The following TRAPPC8 variants were observed in gnomAD, a reference collection of about 807,000 sequenced individuals.
TRAPPC8 encodes the protein general sporulation gene 1 homolog.
Under a neutral mutation model 174.3 loss-of-function variants are expected in TRAPPC8, and 54 were observed. The ratio of observed to expected loss-of-function variants is 0.31; its 90% CI spans 0.25 to 0.39. The LOEUF (loss-of-function observed/expected upper bound fraction) is 0.39. TRAPPC8 is among the 10% of genes least tolerant of loss of function. The probability of loss-of-function intolerance (pLI) is 1.00; values close to 1 mark genes in which losing one functional copy is unlikely to be tolerated. For synonymous variants in TRAPPC8, 630 were observed against 579.9 expected (o/e 1.09, Z -1.24); for missense variants, 1,531 against 1,699.1 (o/e 0.90, Z 1.74).
chr18:31,886,042 G>C (rs1264793372), intron 12 of TRAPPC8, among the ~76,000 whole-genome samples: 1 of 150,496 alleles, frequency 6.6e-6, no homozygotes, highest in Non-Finnish European at 1.5e-5. Context: ...TTTTGCTCTT[G>C]TTGCCCAGGC....
intron 21 of TRAPPC8, among the ~76,000 whole-genome samples, chr18:31,854,928 T>C (rs575771158): frequency 1.7e-5 from 2 of 120,562 alleles, no homozygotes; most frequent in East Asian, 2.3e-4. Flanking sequence ...ATCGCGCCAC[T>C]GCACTCCAGT....
At chr18:31,852,273 C>T (rs1325794294) in intron 24 of TRAPPC8, among the ~76,000 whole-genome samples, 173 bp downstream of exon 24, 2 of 152,016 alleles carry the variant, frequency 1.3e-5, no homozygotes, top group African/African-American at 2.4e-5. Flanking sequence ...CCTGGGAAGT[C>T]GAGGCTGCAG....
At chr18:31,887,596 A>AG in intron 12 of TRAPPC8, among the ~76,000 whole-genome samples, 1 of 151,270 alleles carries the variant, frequency 6.6e-6, no homozygotes, top group African/African-American at 2.4e-5. Flanking sequence ...CAGTGAGCCG[A>AG]GATCACGCCA....
intron 27 of TRAPPC8, 51 bp downstream of exon 27, chr18:31,839,259 TAC>T: frequency 6.5e-7 from 1 of 1,533,234 alleles, no homozygotes; most frequent in South Asian, 1.3e-5. Flanking sequence ...AAGAAACAAA[TAC>T]ACGTGCCAGT....
At chr18:31,871,275 C>A (rs1053732929) in intron 14 of TRAPPC8, among the ~76,000 whole-genome samples, 155 bp from the exon 15 acceptor site, 2 of 151,954 alleles carry the variant, frequency 1.3e-5, no homozygotes, top group African/African-American at 2.4e-5. Flanking sequence ...TCTCATTAAT[C>A]CTAGCTTATC....
chr18:31,918,182 T>C (rs912387138), intron 2 of TRAPPC8, among the ~76,000 whole-genome samples: 4 of 152,060 alleles, frequency 2.6e-5, no homozygotes, highest in Non-Finnish European at 4.4e-5. Flanking sequence ...TTTTAAGCCA[T>C]TCACAAGAAT....
chr18:31,873,007 C>CTTTTTTTTTTTTT (rs59209328), intron 14 of TRAPPC8, among the ~76,000 whole-genome samples: 1 of 74,600 alleles, frequency 1.3e-5, no homozygotes, highest in Non-Finnish European at 2.5e-5. Context: ...ATTCATTTTC[C>CTTTTTTTTTTTTT]TTTTTTTTTT....
intron 9 of TRAPPC8, among the ~76,000 whole-genome samples, chr18:31,902,693 G>A (rs1598708581): frequency 6.6e-6 from 1 of 152,182 alleles, no homozygotes; most frequent in Non-Finnish European, 1.5e-5. Flanking sequence ...GGGGGAGTCA[G>A]TCTCCACTTT....
At chr18:31,899,727 A>G (rs943191266) in intron 10 of TRAPPC8, among the ~76,000 whole-genome samples, 2 of 152,002 alleles carry the variant, frequency 1.3e-5, no homozygotes, top group African/African-American at 4.8e-5. Flanking sequence ...TGGGCGGATC[A>G]TGAGGTCAAA....
intron 27 of TRAPPC8, among the ~76,000 whole-genome samples, chr18:31,834,011 A>AC (rs1555652294): frequency 6.6e-6 from 1 of 151,022 alleles, no homozygotes; most frequent in African/African-American, 2.4e-5. Flanking sequence ...CAAAAAAAAA[A>AC]AACAAAAAAC....
At chr18:31,853,732 C>A (rs2033840388) in intron 22 of TRAPPC8, 117 bp downstream of exon 22, 1 of 699,280 alleles carries the variant, frequency 1.4e-6, no homozygotes. Flanking sequence ...CTAATGAAAT[C>A]ACAATTTAAT....
In TRAPPC8 at chr18:31,903,106, G is replaced by A. The variant is rs945429997; in HGVS notation, c.1390-2081C>T. 2.1e-4 allele frequency among the ~76,000 whole-genome samples: 9 copies of A among 43,430 alleles called. No individual in the cohort carries two copies. In the East Asian group the frequency reaches 5.5e-3, roughly 26 times the overall value. The allele number at this position is 43,430 out of a possible 152,430, so 28.5% of individuals were successfully genotyped here. A position where few individuals can be genotyped will look rare whatever the true frequency, so the allele number is the denominator to read the frequency against. ...CTCCAGTGTCCTGCTTTTTGATTGC[G>A]CGCGTGCGTGCGTGCGTGTGTGTGT... On this transcript the variant is annotated intron_variant, in intron 9 of 28. Coordinates refer to ENST00000283351, the MANE Select transcript of TRAPPC8 (RefSeq NM_014939.5).
intron 10 of TRAPPC8, among the ~76,000 whole-genome samples, chr18:31,898,221 A>G (rs2036264750): frequency 6.6e-6 from 1 of 152,008 alleles, no homozygotes; most frequent in Non-Finnish European, 1.5e-5. Context: ...GTTATTATTT[A>G]TTGTTGGTTT....
chr18:31,857,000 A>G (rs889467680), intron 20 of TRAPPC8, among the ~76,000 whole-genome samples: 1 of 152,086 alleles, frequency 6.6e-6, no homozygotes, highest in South Asian at 2.1e-4. Context: ...TATTCTGTTG[A>G]ACAAAATATA....
chr18:31,900,826 T>C, intron 10 of TRAPPC8, 99 bp downstream of exon 10: 1 of 885,038 alleles, frequency 1.1e-6, no homozygotes, highest in Non-Finnish European at 1.7e-6. Context: ...TCTCCGACTA[T>C]ATTAACTTGA....
chr18:31,921,635 A>AG (rs2037393798), intron 2 of TRAPPC8, among the ~76,000 whole-genome samples: 1 of 152,102 alleles, frequency 6.6e-6, no homozygotes, highest in Non-Finnish European at 1.5e-5. Context: ...AAAAAAAAAA[A>AG]AAGTTATCTT....
intron 19 of TRAPPC8, among the ~76,000 whole-genome samples, chr18:31,862,489 G>A (rs977310509): frequency 2.6e-5 from 4 of 152,080 alleles, no homozygotes; most frequent in Non-Finnish European, 2.9e-5. Context: ...ATAATGAGTT[G>A]CCCACATTCT....
At chr18:31,874,908 AT>A (rs2035068431) in intron 12 of TRAPPC8, among the ~76,000 whole-genome samples, 1 of 152,184 alleles carries the variant, frequency 6.6e-6, no homozygotes, top group Admixed American at 6.5e-5. Context: ...TACCTGAGCC[AT>A]TGTGTGTGTG....
At chr18:31,840,296 G>A (rs970220798) in intron 26 of TRAPPC8, among the ~76,000 whole-genome samples, 7 of 146,904 alleles carry the variant, frequency 4.8e-5, no homozygotes, top group Non-Finnish European at 9.0e-5. Context: ...GGCGGAGGTT[G>A]TAGTGAGCCG....
Sources: allele counts gnomAD v4.1 joint callset (sites outside exome capture counted in the v4.1 genomes callset), GRCh38; gene constraint gnomAD v4.1.1; transcripts MANE v1.5; gene names NCBI Gene and HGNC (gene_info 2026-07-23, HGNC 2026-07-21).